Variants in RP1 observed in about 807,000 individuals in gnomAD.
RP1 encodes the protein RP1 axonemal microtubule associated.
In RP1, 16 loss-of-function variants were observed where a neutral mutation model predicts 14.8. The observed-to-expected ratio is 1.08, with a 90% confidence interval of 0.73 to 1.65. The LOEUF (loss-of-function observed/expected upper bound fraction) is 1.65. RP1 is among the 40% of genes most tolerant of loss of function. The pLI is 0.00. For missense variants in RP1, 2,631 were observed against 2,535.0 expected (o/e 1.04, Z -0.81); for synonymous variants, 876 against 883.6 (o/e 0.99, Z 0.15).
At chr8:54,649,105 C>G in exon 4 of RP1, 2 of 1,520,726 alleles carry the variant, frequency 1.3e-6, no homozygotes, top group East Asian at 2.5e-5. Flanking sequence ...CTTTATGGAA[C>G]AGATGGGGCT....
At chr8:54,865,506 A>C (rs1047770316) in intron 27 of RP1, among the ~76,000 whole-genome samples, 4 of 152,058 alleles carry the variant, frequency 2.6e-5, no homozygotes, top group Non-Finnish European at 4.4e-5. Context: ...TAAACTTATA[A>C]ATCTTCTATG....
intron 25 of RP1, among the ~76,000 whole-genome samples, chr8:54,850,952 T>G (rs954233268): frequency 6.6e-6 from 1 of 152,204 alleles, no homozygotes; most frequent in Admixed American, 6.5e-5. Flanking sequence ...TTGACTCGGT[T>G]TGAGAATAAA....
chr8:54,605,486 A>G (rs11995364), intron 1 of RP1, among the ~76,000 whole-genome samples: 51,805 of 151,376 alleles, frequency 0.34, 9,425 homozygotes, highest in Middle Eastern at 0.49. Flanking sequence ...GAATAGGTGT[A>G]GTGTGGTGCT....
intron 3 of RP1, among the ~76,000 whole-genome samples, chr8:54,648,358 T>C (rs1585580337): frequency 6.6e-6 from 1 of 152,340 alleles, no homozygotes; most frequent in Non-Finnish European, 1.5e-5. Flanking sequence ...GTCTCAGTTA[T>C]GTTCACAGTG....
chr8:54,751,696 A>G (rs567883943), intron 19 of RP1, among the ~76,000 whole-genome samples: 1 of 152,242 alleles, frequency 6.6e-6, no homozygotes. Flanking sequence ...GCCATTAGCT[A>G]TCATGTAACG....
At chr8:54,824,153 C>A (rs1447025599) in intron 24 of RP1, among the ~76,000 whole-genome samples, 3 of 151,340 alleles carry the variant, frequency 2.0e-5, no homozygotes, top group African/African-American at 7.3e-5. Context: ...TAATATTGAG[C>A]TTTTAGCTGC....
intron 22 of RP1, chr8:54,759,130 C>CTGTGTGTGTGTGTGTGTG: frequency 1.3e-6 from 1 of 767,274 alleles, no homozygotes; most frequent in Non-Finnish European, 1.9e-6. Flanking sequence ...GTGGATGATG[C>CTGTGTGTGTGTGTGTGTG]TGTGTGTGTG....
chr8:54,628,195 A>C lies in RP1; in HGVS notation c.4313A>C (p.Asp1438Ala), dbSNP rs763113281. 1 of 1,614,056 alleles carries C rather than the reference A, an allele frequency of 6.2e-7. No homozygotes were observed. Among genetic ancestry groups the C allele is most frequent in the South Asian group, 1.1e-5 (1 of 91,082 alleles). ...FQDENAYTSF[D>A]MEEPRTSEEP... The stretch of plus-strand genomic sequence containing the variant: ...GATGAAAATGCATATACTTCCTTTG[A>C]TATGGAAGAACCACGGACTTCTGAA... Residue 1438 changes from aspartate (D) to alanine (A), a missense_variant, in exon 4 of 4, where the codon GAT (aspartate) becomes GCT (alanine). Transcript: ENST00000220676.
chr8:54,863,044 G>T (rs1036289207), intron 27 of RP1, among the ~76,000 whole-genome samples: 15 of 101,834 alleles, frequency 1.5e-4, no homozygotes, highest in African/African-American at 4.4e-4. Flanking sequence ...ATTCCAAATG[G>T]ATATATATAT....
At chr8:54,616,729 C>A (rs1202541914) in intron 1 of RP1, among the ~76,000 whole-genome samples, 1 of 152,216 alleles carries the variant, frequency 6.6e-6, no homozygotes, top group Non-Finnish European at 1.5e-5. Flanking sequence ...ATTTTTTCTA[C>A]TTCATTATTT....
intron 22 of RP1, among the ~76,000 whole-genome samples, chr8:54,759,627 A>G (rs1251900887): frequency 6.6e-6 from 1 of 152,080 alleles, no homozygotes; most frequent in African/African-American, 2.4e-5. Flanking sequence ...CCTTCTTCAA[A>G]TCTCCTCATA....
intron 1 of RP1, among the ~76,000 whole-genome samples, chr8:54,604,399 T>G (rs1805374550): frequency 6.6e-6 from 1 of 152,218 alleles, no homozygotes; most frequent in Admixed American, 6.5e-5. Context: ...CACTTGATCA[T>G]GGTGGATAAG....
chr8:54,792,358 A>C (rs1055051009), intron 24 of RP1, among the ~76,000 whole-genome samples: 3 of 151,988 alleles, frequency 2.0e-5, no homozygotes, highest in Non-Finnish European at 4.4e-5. Context: ...CTGTAAACCC[A>C]GTGAACCTAA....
At chr8:54,720,969 G>T (rs929990049) in intron 16 of RP1, among the ~76,000 whole-genome samples, 1 of 152,118 alleles carries the variant, frequency 6.6e-6, no homozygotes, top group Non-Finnish European at 1.5e-5. Flanking sequence ...ATTTTTGCTT[G>T]ATATGGTTCC....
At chr8:54,774,278 C>T (rs1472805841), downstream of RP1, among the ~76,000 whole-genome samples, 3 of 152,114 alleles carry the variant, frequency 2.0e-5, no homozygotes, top group Non-Finnish European at 4.4e-5. Context: ...CTGGGCAGGC[C>T]TCAGGAATCA....
chr8:54,566,977 T>C (rs1179329659), intron 1 of RP1, among the ~76,000 whole-genome samples: 1 of 152,126 alleles, frequency 6.6e-6, no homozygotes, highest in East Asian at 1.9e-4. Context: ...TGAACCTCCC[T>C]GGTGGCAGGG....
chr8:54,763,919 T>G (rs1380488731), intron 22 of RP1, among the ~76,000 whole-genome samples: 1 of 152,190 alleles, frequency 6.6e-6, no homozygotes, highest in South Asian at 2.1e-4. Flanking sequence ...TTAAAATTTT[T>G]TTTTTTGAGA....
chr8:54,686,831 T>G (rs1807574960), intron 12 of RP1, among the ~76,000 whole-genome samples: 1 of 152,152 alleles, frequency 6.6e-6, no homozygotes, highest in Non-Finnish European at 1.5e-5. Flanking sequence ...GTTTTTTTAA[T>G]TTTATAATAG....
rs185666804 is a variant in RP1, at chr8:54,586,379, A to T, written c.-13+27059A>T. 2.6e-4 allele frequency among the ~76,000 whole-genome samples: 39 copies of T among 152,278 alleles called. No homozygotes were observed. The East Asian group carries it at 7.4e-3, about 29-fold the overall frequency. Reference sequence around the variant, plus strand: ...GGAATTTTTGTCTCAGAGGAGTACCAGGCCGTGTGAGGTGTCAGTCTGCCC... The same window carrying T: ...GGAATTTTTGTCTCAGAGGAGTACCTGGCCGTGTGAGGTGTCAGTCTGCCC... On this transcript the variant is annotated intron_variant, in intron 1 of 22. Transcript: ENST00000636932.
Sources: gnomAD v4.1 joint callset for allele counts (sites outside exome capture counted in the v4.1 genomes callset) on GRCh38, gnomAD v4.1.1 for gene constraint, MANE v1.5 for transcripts, NCBI Gene and HGNC (gene_info 2026-07-23, HGNC 2026-07-21) for gene names.